TIAM1: variants seen among roughly 807,000 people sequenced by gnomAD.
The protein encoded by TIAM1 is rho guanine nucleotide exchange factor TIAM1.
A neutral mutation model predicts 163.5 loss-of-function variants in TIAM1; 65 were observed. That is an observed-to-expected ratio of 0.40 (90% CI 0.33 to 0.49). The LOEUF is 0.49. Among genes scored for constraint, TIAM1 ranks in the 20% least tolerant of loss-of-function variants. The probability of loss-of-function intolerance (pLI) is 0.77; values close to 1 mark genes in which losing one functional copy is unlikely to be tolerated. For missense variants in TIAM1, 1,789 were observed against 2,044.7 expected (o/e 0.87, Z 2.41); for synonymous variants, 833 against 810.1 (o/e 1.03, Z -0.48).
In TIAM1 at chr21:31,216,320, T is replaced by C. The variant is rs1002162796; in HGVS notation, c.2142+1233A>G. Among the ~76,000 whole-genome samples the C allele has an allele frequency of 5.9e-5, 9 of 152,202 alleles. No homozygotes were observed. The South Asian group carries it at 6.2e-4, about 11-fold the overall frequency. On this transcript the variant is annotated intron_variant, in intron 9 of 27. Coordinates refer to ENST00000541036, the MANE Select transcript of TIAM1 (RefSeq NM_001353694.2). Reference sequence around the variant, plus strand: ...TGTCCGAGCAAACAAGGAGAGATCATTCTATCAAGTCAGTCGATGACGTCC... The same window carrying C: ...TGTCCGAGCAAACAAGGAGAGATCACTCTATCAAGTCAGTCGATGACGTCC...
chr21:31,264,639 A>G (rs915178918), intron 4 of TIAM1, among the ~76,000 whole-genome samples: 1 of 152,134 alleles, frequency 6.6e-6, no homozygotes, highest in African/African-American at 2.4e-5. Context: ...GAACACAGAC[A>G]GTCTAATGCC....
intron 2 of TIAM1, among the ~76,000 whole-genome samples, chr21:31,315,537 T>C (rs1601932603): frequency 1.3e-5 from 2 of 148,678 alleles, no homozygotes; most frequent in South Asian, 4.3e-4. Flanking sequence ...TAGCCGGGTG[T>C]GGTGGCGCAT....
chr21:31,237,696 C>A (rs917621765), intron 6 of TIAM1, among the ~76,000 whole-genome samples: 2 of 152,164 alleles, frequency 1.3e-5, no homozygotes, highest in Non-Finnish European at 2.9e-5. Flanking sequence ...ATTTTCTATA[C>A]CCCTTTAGAT....
chr21:31,142,711 C>A (rs992051595), intron 20 of TIAM1, among the ~76,000 whole-genome samples: 2 of 151,868 alleles, frequency 1.3e-5, no homozygotes, highest in African/African-American at 4.8e-5. Flanking sequence ...CAGCATCTCG[C>A]AGTGCCAGTG....
At chr21:31,252,417 G>A (rs2146751071) in intron 4 of TIAM1, among the ~76,000 whole-genome samples, 1 of 152,264 alleles carries the variant, frequency 6.6e-6, no homozygotes, top group Admixed American at 6.5e-5. Context: ...GAGAGCACAC[G>A]ATTTGGAATG....
rs1338907898 is a variant in TIAM1, at chr21:31,120,157, T to G, written c.*211A>C. On this transcript the variant is annotated 3_prime_UTR_variant, in exon 28 of 28. Transcript: ENST00000541036. This position sits in a 1 kb window ranked among gnomAD's most constrained non-coding sequence, Gnocchi z 4.2. ...CTTAGTAATATACAGAAGATAGGAC[T>G]CAAGCTTATTTGGGATTCTGATCAA... is the stretch of plus-strand genomic sequence containing the variant. The G allele has an allele frequency of 7.2e-6, 4 of 553,966 alleles. No individual in the cohort carries two copies. The East Asian group carries it at 1.2e-4, about 16-fold the overall frequency. The allele number at this position is 553,966 out of a possible 1,614,324, so 34.3% of individuals were successfully genotyped here.
intron 1 of TIAM1, among the ~76,000 whole-genome samples, chr21:31,521,721 G>A (rs145941864): frequency 0.063 from 8,276 of 131,678 alleles, 770 homozygotes; most frequent in African/African-American, 0.2. Flanking sequence ...CTGGGCAACA[G>A]AGCAAGACCC....
intron 2 of TIAM1, among the ~76,000 whole-genome samples, chr21:31,281,494 A>G (rs117278868): frequency 0.028 from 4,219 of 152,308 alleles, 85 homozygotes; most frequent in South Asian, 0.055. Flanking sequence ...AATGACAATC[A>G]GGAGGTTTTC....
chr21:31,270,653 T>G (rs535397186), intron 3 of TIAM1, among the ~76,000 whole-genome samples: 1 of 152,240 alleles, frequency 6.6e-6, no homozygotes, highest in Non-Finnish European at 1.5e-5. Context: ...ACAGGCCACA[T>G]GGATGGCTTT....
intron 1 of TIAM1, among the ~76,000 whole-genome samples, chr21:31,515,433 G>A (rs2047350394): frequency 6.6e-6 from 1 of 152,066 alleles, no homozygotes. Context: ...GCCCTCCGGG[G>A]GTGTTGATGC....
intron 23 of TIAM1, among the ~76,000 whole-genome samples, chr21:31,132,030 T>C (rs1295936344): frequency 6.6e-6 from 1 of 152,164 alleles, no homozygotes; most frequent in Non-Finnish European, 1.5e-5. Flanking sequence ...ACTAAGATAG[T>C]CTCCATTATC....
At chr21:31,286,742 T>A (rs535852775) in intron 2 of TIAM1, among the ~76,000 whole-genome samples, 4 of 152,272 alleles carry the variant, frequency 2.6e-5, no homozygotes, top group Non-Finnish European at 4.4e-5. Flanking sequence ...TGCATTTATT[T>A]ATTTAAAGAA....
Position 31,471,083 on chromosome 21 carries a change from G to A in TIAM1, c.-421-7048C>T, listed in dbSNP as rs370192461. On this transcript the variant is annotated intron_variant, in intron 1 of 28. Transcript: ENST00000286827. ...TTCCGGGGCTGGGGAAAATCTCATC[G>A]TGTTGTTCTGAAAACCTCCGGGCTG... 9.2e-5 allele frequency among the ~76,000 whole-genome samples: 14 copies of A among 152,334 alleles called. No individual in the cohort carries two copies. The East Asian group carries it at 2.7e-3, about 29-fold the overall frequency.
At position 31,526,779 on chromosome 21, in the gene TIAM1, A is replaced by G. The variant is rs570769324; in HGVS notation, c.-422+32148T>C. Among the ~76,000 whole-genome samples the G allele has an allele frequency of 4.6e-5, 7 of 152,166 alleles. No homozygotes were observed. The South Asian group carries it at 1.5e-3, about 32-fold the overall frequency. ...TAGAGGGGCATGATCTCAGCTCACT[A>G]AAACCTCCGCCTCCCAGGTTCGTGC... On this transcript the variant is annotated intron_variant, in intron 1 of 28. Transcript: ENST00000286827.
intron 20 of TIAM1, among the ~76,000 whole-genome samples, chr21:31,142,684 A>G (rs936235904): frequency 6.6e-6 from 1 of 151,980 alleles, no homozygotes; most frequent in African/African-American, 2.4e-5. Context: ...AAAAAAGGCA[A>G]GCAGATGCAG....
At chr21:31,250,559 T>C (rs2071745723) in intron 5 of TIAM1, among the ~76,000 whole-genome samples, 1 of 152,206 alleles carries the variant, frequency 6.6e-6, no homozygotes, top group Admixed American at 6.5e-5. Context: ...GGATTGCATG[T>C]TCCCAAACCA....
At chr21:31,427,785 G>C (rs537240189) in intron 2 of TIAM1, among the ~76,000 whole-genome samples, 1 of 152,172 alleles carries the variant, frequency 6.6e-6, no homozygotes, top group African/African-American at 2.4e-5. Flanking sequence ...AGTGAGCTGT[G>C]ATCACACCAG....
At chr21:31,172,503 G>C (rs1028158569) in intron 15 of TIAM1, among the ~76,000 whole-genome samples, 3 of 152,182 alleles carry the variant, frequency 2.0e-5, no homozygotes, top group Non-Finnish European at 2.9e-5. Flanking sequence ...CAATCAGAGA[G>C]AGAAGAAAGC....
At chr21:31,415,401 AT>A (rs1472178738) in intron 2 of TIAM1, among the ~76,000 whole-genome samples, 2 of 152,186 alleles carry the variant, frequency 1.3e-5, no homozygotes, top group Non-Finnish European at 2.9e-5. Context: ...TCTGGAAATC[AT>A]AGCTATTCAA....
Sources: allele counts gnomAD v4.1 joint callset (sites outside exome capture counted in the v4.1 genomes callset), GRCh38; gene constraint gnomAD v4.1.1; non-coding constraint Gnocchi (gnomAD v3.1); transcripts MANE v1.5; gene names NCBI Gene and HGNC (gene_info 2026-07-23, HGNC 2026-07-21).